Variants in ATF7 observed in about 807,000 individuals in gnomAD.
ATF7 encodes activating transcription factor 7.
ATF7 carries 10 observed loss-of-function variants against 50.4 expected under a neutral mutation model. The observed-to-expected ratio is 0.20, with a 90% confidence interval of 0.12 to 0.34. ATF7 has a LOEUF of 0.34. Ranked by LOEUF, ATF7 falls within the 10% of genes least tolerant of loss-of-function variation. The pLI, the probability that ATF7 is intolerant of heterozygous loss-of-function variation, is 1.00. For synonymous variants in ATF7, 201 were observed against 226.4 expected, an observed-to-expected ratio of 0.89 and a Z score of 1.01; for missense variants, 465 against 613.9, an observed-to-expected ratio of 0.76 and a Z score of 2.56.
chr12:53,530,381 A>G (rs1227879845), intron 9 of ATF7, among the ~76,000 whole-genome samples: 2 of 152,170 alleles, frequency 1.3e-5, no homozygotes, highest in East Asian at 1.9e-4. Context: ...TCACCTGTTC[A>G]GTGCAGATGA....
At chr12:53,575,088 A>G (rs1941982411) in intron 2 of ATF7, among the ~76,000 whole-genome samples, 1 of 151,818 alleles carries the variant, frequency 6.6e-6, no homozygotes, top group Non-Finnish European at 1.5e-5. Context: ...CCTGACCAAC[A>G]TGGTGAAACC....
downstream of ATF7, among the ~76,000 whole-genome samples, chr12:53,511,907 T>C (rs781408855): frequency 1.3e-5 from 2 of 152,164 alleles, no homozygotes; most frequent in African/African-American, 4.8e-5. Flanking sequence ...GTATCTCCCA[T>C]GTATAAAAAC....
rs1937736201 is a variant in ATF7, at chr12:53,516,866, C to T, written c.*271G>A. 3 of 507,980 alleles carry T rather than the reference C, an allele frequency of 5.9e-6. No individual in the cohort carries two copies. Among genetic ancestry groups the T allele is most frequent in the Non-Finnish European group, 7.2e-6 (2 of 277,954 alleles). 31.5% of individuals were successfully genotyped at this position (507,980 alleles called of 1,614,324 possible). On this transcript the variant is annotated 3_prime_UTR_variant, in exon 12 of 12. Transcript: ENST00000420353. ...CATGGGGCAGGGGTGATTGTTCGGA[C>T]CATCTGGAAAGGCCTTTGGCTGTGG... is the stretch of plus-strand genomic sequence containing the variant.
chr12:53,547,283 C>A (rs1479652086), intron 3 of ATF7, among the ~76,000 whole-genome samples: 1 of 62,542 alleles, frequency 1.6e-5, no homozygotes, highest in African/African-American at 6.4e-5. Context: ...CGTGCCCAGC[C>A]TTTTTTTTTT....
intron 2 of ATF7, among the ~76,000 whole-genome samples, chr12:53,571,446 C>T (rs1277534571): frequency 6.6e-6 from 1 of 151,928 alleles, no homozygotes; most frequent in Admixed American, 6.6e-5. Flanking sequence ...AGATAACAGA[C>T]AATAGGTGAC....
rs201911747 is a variant in ATF7 at position 53,587,845 on chromosome 12, T to TATATATA, written c.48+13107_48+13108insTATATAT. On this transcript the variant is annotated intron_variant, in intron 2 of 11. Coordinates refer to ENST00000420353, the MANE Select transcript of ATF7 (RefSeq NM_006856.3). ...CATATATATATATATATATATATAT[T>TATATATA]TTTTTTTTTTTTTCTTTTTGACACG... Among the ~76,000 whole-genome samples the TATATATA allele has an allele frequency of 4.2e-3, 133 of 31,604 alleles. 1 individual carries two copies. Among genetic ancestry groups the TATATATA allele is most frequent in the Non-Finnish European group, 7.1e-3 (99 of 13,934 alleles). The allele number at this position is 31,604 out of a possible 152,430, so 20.7% of individuals were successfully genotyped here.
chr12:53,600,883 T>C (rs1187287331), intron 2 of ATF7, 70 bp downstream of exon 2: 1 of 1,479,344 alleles, frequency 6.8e-7, no homozygotes, highest in East Asian at 2.3e-5. Flanking sequence ...TTAAACTCTT[T>C]GCCTTAGTGA....
chr12:53,530,819 G>A (rs1185120126), intron 9 of ATF7, among the ~76,000 whole-genome samples: 1 of 151,936 alleles, frequency 6.6e-6, no homozygotes, highest in Non-Finnish European at 1.5e-5. Flanking sequence ...ATGTTGGCCA[G>A]GCTGGTCTTG....
At position 53,513,807 on chromosome 12, in the gene ATF7, G is replaced by A. The variant is rs1439217395; in HGVS notation, c.*3330C>T. ...TTTTGGTGTCTGTTTGGTGGTTCAG[G>A]CTGTACATAGGGCACGGTTGGGGTT... On this transcript the variant is annotated 3_prime_UTR_variant, in exon 12 of 12. Transcript: ENST00000420353. 6.6e-6 allele frequency: 1 copy of A among 152,148 alleles called. No homozygotes were observed. Among genetic ancestry groups the A allele is most frequent in the Non-Finnish European group, 1.5e-5 (1 of 68,056 alleles). The allele number at this position is 152,148 out of a possible 1,614,324, so 9.4% of individuals were successfully genotyped here.
intron 2 of ATF7, among the ~76,000 whole-genome samples, chr12:53,558,899 G>A (rs1940916191): frequency 6.6e-6 from 1 of 152,116 alleles, no homozygotes; most frequent in African/African-American, 2.4e-5. Context: ...TCCATTTCTA[G>A]TAAGTTTTAC....
chr12:53,563,102 TA>T (rs1470711652), intron 2 of ATF7, among the ~76,000 whole-genome samples: 5 of 152,204 alleles, frequency 3.3e-5, no homozygotes, highest in African/African-American at 1.2e-4. Context: ...CACATTCCCA[TA>T]TTCCTTGAAA....
At chr12:53,613,070 C>G (rs1249871166) in intron 1 of ATF7, among the ~76,000 whole-genome samples, 24 of 152,036 alleles carry the variant, frequency 1.6e-4, no homozygotes, top group Non-Finnish European at 4.4e-5. Flanking sequence ...GCTATTTATC[C>G]TGAGCCAATG....
intron 2 of ATF7, among the ~76,000 whole-genome samples, chr12:53,573,217 T>C (rs935757989): frequency 6.6e-6 from 1 of 152,202 alleles, no homozygotes; most frequent in Non-Finnish European, 1.5e-5. Flanking sequence ...CTTACTGTGC[T>C]GAATTTATAA....
rs577651007 is a variant in ATF7 at position 53,516,708 on chromosome 12, C to T, written c.*429G>A. On this transcript the variant is annotated 3_prime_UTR_variant, in exon 12 of 12. Coordinates refer to ENST00000420353, the MANE Select transcript of ATF7 (RefSeq NM_006856.3). ...ATATGTCATCAAATCTAGCCTCCCT[C>T]TATCTGGCAGGAAGTGGCATGCTGG... 2.5e-4 allele frequency: 47 copies of T among 189,762 alleles called. No homozygotes were observed. Among genetic ancestry groups the T allele is most frequent in the Non-Finnish European group, 4.2e-4 (37 of 88,280 alleles). 11.8% of individuals were successfully genotyped at this position (189,762 alleles called of 1,614,324 possible).
intron 2 of ATF7, among the ~76,000 whole-genome samples, chr12:53,566,347 C>T (rs1332634913): frequency 6.6e-6 from 1 of 152,126 alleles, no homozygotes; most frequent in Non-Finnish European, 1.5e-5. Context: ...TTTCTTAACC[C>T]AACCCCCATT....
At chr12:53,561,216 A>G (rs1460405504) in intron 2 of ATF7, among the ~76,000 whole-genome samples, 2 of 151,644 alleles carry the variant, frequency 1.3e-5, no homozygotes, top group Non-Finnish European at 2.9e-5. Context: ...AGCTGGGTTT[A>G]TCTGCACCCA....
At chr12:53,583,229 C>T (rs1254849649) in intron 2 of ATF7, among the ~76,000 whole-genome samples, 3 of 152,288 alleles carry the variant, frequency 2.0e-5, no homozygotes, top group African/African-American at 7.2e-5. Context: ...CAGCCACTCC[C>T]CATCACTTGC....
At chr12:53,597,186 G>A (rs1406953508) in intron 2 of ATF7, among the ~76,000 whole-genome samples, 1 of 148,550 alleles carries the variant, frequency 6.7e-6, no homozygotes, top group East Asian at 2.0e-4. Context: ...CTTCAGCAGC[G>A]TTTTTTTTTT....
chr12:53,558,827 A>T (rs1210725733), intron 2 of ATF7, among the ~76,000 whole-genome samples: 1 of 152,248 alleles, frequency 6.6e-6, no homozygotes, highest in Non-Finnish European at 1.5e-5. Flanking sequence ...CAGAATGGAC[A>T]GGGAAAGTAC....
Sources: allele counts gnomAD v4.1 joint callset (sites outside exome capture counted in the v4.1 genomes callset), GRCh38; gene constraint gnomAD v4.1.1; transcripts MANE v1.5; gene names NCBI Gene and HGNC (gene_info 2026-07-23, HGNC 2026-07-21).